Variants in EHD1 observed in about 807,000 individuals in gnomAD.
EHD1 encodes EH domain containing 1.
In EHD1, 19 loss-of-function variants were observed where a neutral mutation model predicts 39.0. The observed-to-expected ratio is 0.49, with a 90% CI of 0.34 to 0.72. The LOEUF (loss-of-function observed/expected upper bound fraction) is 0.72. Among genes scored for constraint, EHD1 ranks in the 30% least tolerant of loss-of-function variants. The probability of loss-of-function intolerance (pLI) is 0.01; values close to 1 mark genes in which losing one functional copy is unlikely to be tolerated. For missense variants in EHD1, 542 were observed against 751.5 expected (o/e 0.72, Z 3.26); for synonymous variants, 323 against 331.2 (o/e 0.98, Z 0.27).
At chr11:64,866,992 C>T (rs1943774448) in intron 2 of EHD1, among the ~76,000 whole-genome samples, 2 of 152,030 alleles carry the variant, frequency 1.3e-5, no homozygotes, top group African/African-American at 4.8e-5. Flanking sequence ...GAAGAGTGTC[C>T]ATTTGGGAAG....
rs957273696 is a variant in EHD1 at position 64,855,656 on chromosome 11, G to A, written c.916-170C>T. On this transcript the variant is annotated intron_variant, in intron 3 of 4. Coordinates refer to ENST00000320631, the MANE Select transcript of EHD1 (RefSeq NM_006795.4). ...CCACCACCGGCTCCCACAGTCCTAG[G>A]AGCAGACACAATCTGGCAAGAGCCA... The A allele has an allele frequency of 3.3e-6, 3 of 915,910 alleles. No individual in the cohort carries two copies. In the Admixed American group the frequency reaches 8.3e-5, roughly 25 times the overall value. 56.7% of individuals were successfully genotyped at this position (915,910 alleles called of 1,614,324 possible). A position where few individuals can be genotyped will look rare whatever the true frequency, so the allele number is the denominator to read the frequency against.
Position 64,852,461 on chromosome 11 carries a change from A to G in EHD1, c.*1872T>C, listed in dbSNP as rs1943592037. The G allele has an allele frequency of 6.7e-6, 1 of 149,928 alleles. No individual in the cohort carries two copies. The highest frequency in any genetic ancestry group is 1.5e-5 in the Non-Finnish European group (1 of 68,040). 9.3% of individuals were successfully genotyped at this position (149,928 alleles called of 1,614,324 possible). On this transcript the variant is annotated 3_prime_UTR_variant, in exon 5 of 5. Transcript: ENST00000320631. Reference sequence around the variant, plus strand: ...GGCCTCAGCTATCAACATCCTCCCAACTGTTTCCCCCCTCCCCACCCCAAG... The same window carrying G: ...GGCCTCAGCTATCAACATCCTCCCAGCTGTTTCCCCCCTCCCCACCCCAAG...
At chr11:64,872,533 G>A (rs559056922) in intron 2 of EHD1, among the ~76,000 whole-genome samples, 3 of 151,826 alleles carry the variant, frequency 2.0e-5, no homozygotes, top group African/African-American at 7.3e-5. Flanking sequence ...TTGCTTATCC[G>A]GCATTTACTA....
At chr11:64,860,584 T>A (rs1943705025) in intron 2 of EHD1, among the ~76,000 whole-genome samples, 1 of 150,628 alleles carries the variant, frequency 6.6e-6, no homozygotes, top group African/African-American at 2.5e-5. Flanking sequence ...AATACACAAA[T>A]TAGCCGGGCA....
At chr11:64,872,302 A>T (rs926658208) in intron 2 of EHD1, among the ~76,000 whole-genome samples, 1 of 152,184 alleles carries the variant, frequency 6.6e-6, no homozygotes, top group African/African-American at 2.4e-5. Flanking sequence ...ATCTACTAAA[A>T]ATATAAAAAT....
rs1295771316 is a variant in EHD1, at chr11:64,854,768, G to A, written c.1170C>T (p.Ile390=). The A allele has an allele frequency of 6.8e-6, 11 of 1,608,558 alleles. No individual in the cohort carries two copies. Among genetic ancestry groups the A allele is most frequent in the South Asian group, 2.2e-5 (2 of 91,086 alleles). ...DTVDDMLAND[I]ARLMVMVRQE... ...GCCGCACCATCACCATCAGCCGCGC[G>A]ATGTCGTTGGCCAGCATGTCATCCA... The change falls in exon 5 of 5, where the codon ATC becomes ATT. Residue 390 remains isoleucine, a synonymous_variant. Transcript: ENST00000320631.
intron 1 of EHD1, among the ~76,000 whole-genome samples, chr11:64,877,296 T>C (rs1282810334): frequency 6.6e-6 from 1 of 152,150 alleles, no homozygotes. Flanking sequence ...TCTCCTCGCG[T>C]GCAGAGGCCA....
intron 1 of EHD1, among the ~76,000 whole-genome samples, chr11:64,877,624 G>A (rs972641983): frequency 7.2e-5 from 11 of 152,324 alleles, no homozygotes; most frequent in Admixed American, 6.5e-4. Context: ...AGAAGGGAAT[G>A]GCTAAAAGTT....
At chr11:64,874,297 C>G (rs1943861860) in intron 2 of EHD1, 124 bp downstream of exon 2, 1 of 762,522 alleles carries the variant, frequency 1.3e-6, no homozygotes, top group Admixed American at 3.1e-5. Flanking sequence ...GAGTAAGACT[C>G]CGTCAAAAAA....
At position 64,878,477 on chromosome 11, in the gene EHD1, G is replaced by C. The variant is rs751775346; in HGVS notation, c.-13C>G. 2.8e-5 allele frequency: 45 copies of C among 1,587,802 alleles called. No individual in the cohort carries two copies. Among genetic ancestry groups the C allele is most frequent in the African/African-American group, 2.5e-4 (19 of 74,684 alleles). Reference sequence around the variant, plus strand: ...CCCAGCTGAACATACTGCCGGACACGGGGCTGGCTGCTGCGGGGCAGAGCG... The same window carrying C: ...CCCAGCTGAACATACTGCCGGACACCGGGCTGGCTGCTGCGGGGCAGAGCG... On this transcript the variant is annotated 5_prime_UTR_variant, in exon 1 of 5. Coordinates refer to ENST00000320631, the MANE Select transcript of EHD1 (RefSeq NM_006795.4).
At chr11:64,879,019 G>C (rs1292362581), upstream of EHD1, 6 of 995,928 alleles carry the variant, frequency 6.0e-6, no homozygotes, top group African/African-American at 1.0e-4. Context: ...ACTACGCGCC[G>C]CGCCCGCCGT....
At chr11:64,869,203 C>G (rs1464790227) in intron 2 of EHD1, among the ~76,000 whole-genome samples, 3 of 152,274 alleles carry the variant, frequency 2.0e-5, no homozygotes, top group African/African-American at 7.2e-5. Context: ...CAGTGCGCAG[C>G]CTGGGGAACA....
chr11:64,866,798 A>C (rs1007787268), intron 2 of EHD1, among the ~76,000 whole-genome samples: 4 of 152,208 alleles, frequency 2.6e-5, no homozygotes, highest in African/African-American at 9.7e-5. Flanking sequence ...ACAAACCTGT[A>C]CATGTACTCC....
At chr11:64,858,101 T>C (rs1442229186) in intron 3 of EHD1, among the ~76,000 whole-genome samples, 1 of 150,652 alleles carries the variant, frequency 6.6e-6, no homozygotes, top group Non-Finnish European at 1.5e-5. Flanking sequence ...CTCTAACTCC[T>C]GGCCTTAAGG....
In EHD1 at chr11:64,853,058, G is replaced by A. The variant is rs1379604518; in HGVS notation, c.*1275C>T. 1 of 152,278 alleles carries A rather than the reference G, an allele frequency of 6.6e-6. No homozygotes were observed. Among genetic ancestry groups the A allele is most frequent in the Admixed American group, 6.5e-5 (1 of 15,286 alleles). 9.4% of individuals were successfully genotyped at this position (152,278 alleles called of 1,614,324 possible). Reference sequence around the variant, plus strand: ...GGCCTGCAAACGCGCCCGGGCCCTGGAGGCTGGGCTCAATGGCCCCAGGCA... The same window carrying A: ...GGCCTGCAAACGCGCCCGGGCCCTGAAGGCTGGGCTCAATGGCCCCAGGCA... On this transcript the variant is annotated 3_prime_UTR_variant, in exon 5 of 5. Coordinates refer to ENST00000320631, the MANE Select transcript of EHD1 (RefSeq NM_006795.4).
rs1448283004 is a variant in EHD1 at position 64,851,795 on chromosome 11, G to A, written c.*2538C>T. On this transcript the variant is annotated 3_prime_UTR_variant, in exon 5 of 5. Transcript: ENST00000320631. ...AAAGCACGCTGGAGTTGGACGGCCTGGTTTGCATCTGCTTCTACCACCTTT... is the reference window on the plus strand; with the variant it reads ...AAAGCACGCTGGAGTTGGACGGCCTAGTTTGCATCTGCTTCTACCACCTTT... The A allele has an allele frequency of 6.6e-6, 1 of 152,378 alleles. No homozygotes were observed. Among genetic ancestry groups the A allele is most frequent in the African/African-American group, 2.4e-5 (1 of 41,548 alleles). 9.4% of individuals were successfully genotyped at this position (152,378 alleles called of 1,614,324 possible).
intron 2 of EHD1, among the ~76,000 whole-genome samples, chr11:64,872,788 T>C (rs1943843912): frequency 6.6e-6 from 1 of 152,092 alleles, no homozygotes; most frequent in African/African-American, 2.4e-5. Context: ...AGAAGCAAGG[T>C]TTCTCAGCTC....
intron 1 of EHD1, among the ~76,000 whole-genome samples, chr11:64,876,996 G>A (rs1282767181): frequency 3.3e-5 from 5 of 152,214 alleles, no homozygotes; most frequent in South Asian, 2.1e-4. Context: ...GCTGGATGGC[G>A]TCTGGAAAGG....
At chr11:64,876,717 C>A (rs368056002) in intron 1 of EHD1, among the ~76,000 whole-genome samples, 1 of 152,212 alleles carries the variant, frequency 6.6e-6, no homozygotes, top group East Asian at 1.9e-4. Flanking sequence ...AAACTCTAGG[C>A]TTCCAAATTC....
Sources: gnomAD v4.1 joint callset for allele counts (sites outside exome capture counted in the v4.1 genomes callset) on GRCh38, gnomAD v4.1.1 for gene constraint, MANE v1.5 for transcripts, NCBI Gene and HGNC (gene_info 2026-07-23, HGNC 2026-07-21) for gene names.